Variants in CLASP2 observed in about 807,000 individuals in gnomAD.
The protein encoded by CLASP2 is CLIP-associating protein 2.
In CLASP2, 47 loss-of-function variants were observed where a neutral mutation model predicts 194.4. That is an observed-to-expected ratio of 0.24 (90% confidence interval 0.19 to 0.31). The LOEUF (loss-of-function observed/expected upper bound fraction) is 0.31, where lower values mean the gene tolerates loss of function less well. Among genes scored for constraint, CLASP2 ranks in the 10% least tolerant of loss-of-function variants. CLASP2 has a pLI of 1.00. For missense variants in CLASP2, 1,445 were observed against 1,823.6 expected (o/e 0.79, Z 3.78); for synonymous variants, 619 against 633.5 (o/e 0.98, Z 0.34).
At chr3:33,645,582 T>C (rs2082134471) in intron 7 of CLASP2, 2 of 416,600 alleles carry the variant, frequency 4.8e-6, no homozygotes, top group Non-Finnish European at 8.5e-6. Flanking sequence ...AAAAATTCTC[T>C]ATTAGCTATA....
chr3:33,658,984 A>G (rs1310972248), intron 7 of CLASP2: 2 of 1,535,436 alleles, frequency 1.3e-6, no homozygotes, highest in African/African-American at 2.7e-5. Context: ...CATCTCCCAT[A>G]GCCATTAGAT....
At chr3:33,615,886 C>T (rs1313416422) in intron 12 of CLASP2, among the ~76,000 whole-genome samples, 1 of 151,548 alleles carries the variant, frequency 6.6e-6, no homozygotes, top group African/African-American at 2.4e-5. Context: ...TGATTGAAAA[C>T]ATAAATAAAA....
intron 6 of CLASP2, among the ~76,000 whole-genome samples, chr3:33,676,475 G>A (rs550027420): frequency 2.7e-5 from 4 of 150,160 alleles, no homozygotes; most frequent in Non-Finnish European, 5.9e-5. Flanking sequence ...TTTAATAAAC[G>A]GTGCTGGGAA....
chr3:33,521,281 T>A (rs1404638432), intron 34 of CLASP2, among the ~76,000 whole-genome samples: 3 of 152,112 alleles, frequency 2.0e-5, no homozygotes, highest in Non-Finnish European at 2.9e-5. Context: ...ATGTAACCTG[T>A]TTAAAAATAT....
At chr3:33,533,430 T>C (rs988068259) in intron 34 of CLASP2, among the ~76,000 whole-genome samples, 3 of 152,212 alleles carry the variant, frequency 2.0e-5, no homozygotes, top group Non-Finnish European at 2.9e-5. Flanking sequence ...TCAACTTTGC[T>C]AGTAATCAAA....
intron 23 of CLASP2, among the ~76,000 whole-genome samples, chr3:33,580,489 G>C (rs970464069): frequency 2.0e-5 from 3 of 152,036 alleles, no homozygotes; most frequent in Non-Finnish European, 4.4e-5. Context: ...ATTGAACCTG[G>C]AAGGTGGAGG....
intron 24 of CLASP2, among the ~76,000 whole-genome samples, chr3:33,575,703 CTAACTA>C (rs2154198378): frequency 6.6e-6 from 1 of 152,100 alleles, no homozygotes; most frequent in South Asian, 2.1e-4. Context: ...AGAATTATAT[CTAACTA>C]TAAGATATAA....
At chr3:33,627,130 AT>A in intron 9 of CLASP2, 50 bp from the exon 10 acceptor site, 2 of 1,019,128 alleles carry the variant, frequency 2.0e-6, no homozygotes, top group Non-Finnish European at 3.0e-6. Flanking sequence ...CATGAACAAT[AT>A]CAAAATTATG....
At chr3:33,534,659 T>C (rs1163176825) in intron 34 of CLASP2, among the ~76,000 whole-genome samples, 1 of 152,166 alleles carries the variant, frequency 6.6e-6, no homozygotes, top group East Asian at 1.9e-4. Context: ...TGGGATTAGG[T>C]AGTATAATCA....
chr3:33,690,440 C>G (rs1427321407), intron 2 of CLASP2, among the ~76,000 whole-genome samples: 1 of 152,146 alleles, frequency 6.6e-6, no homozygotes, highest in Non-Finnish European at 1.5e-5. Context: ...AAATAATACA[C>G]ATAAACAACT....
Position 33,715,806 on chromosome 3 carries a change from C to T in CLASP2, c.195+2002G>A, listed in dbSNP as rs573150693. Among the ~76,000 whole-genome samples the T allele has an allele frequency of 2.5e-4, 30 of 121,518 alleles. No homozygotes were observed. In the South Asian group the frequency reaches 8.0e-3, roughly 32 times the overall value. 79.7% of individuals were successfully genotyped at this position (121,518 alleles called of 152,430 possible). On this transcript the variant is annotated intron_variant, in intron 1 of 38. Transcript: ENST00000682230. The stretch of plus-strand genomic sequence containing the variant: ...TGTATGTTCAAAAGCTCCTATGACA[C>T]ACTTTTTAAAACAGTTAAGTATGTT...
chr3:33,571,580 A>G (rs1046741587), intron 25 of CLASP2, among the ~76,000 whole-genome samples: 14 of 151,342 alleles, frequency 9.3e-5, no homozygotes, highest in Non-Finnish European at 1.9e-4. Context: ...GGTTGCACTG[A>G]GCTGAGATTG....
intron 14 of CLASP2, among the ~76,000 whole-genome samples, chr3:33,607,768 A>G (rs908669236): frequency 1.3e-5 from 2 of 152,136 alleles, no homozygotes; most frequent in Non-Finnish European, 1.5e-5. Flanking sequence ...TAAATTAGAG[A>G]AAAAAAGAAT....
At chr3:33,538,381 T>C (rs890704589) in intron 33 of CLASP2, among the ~76,000 whole-genome samples, 1 of 152,212 alleles carries the variant, frequency 6.6e-6, no homozygotes, top group Non-Finnish European at 1.5e-5. Flanking sequence ...CAATCTAAAA[T>C]AGACTCACTT....
At chr3:33,514,677 T>A (rs768691808) in intron 36 of CLASP2, 16 of 355,608 alleles carry the variant, frequency 4.5e-5, no homozygotes, top group Non-Finnish European at 8.2e-5. Flanking sequence ...ATTGGGTATC[T>A]ACCTAGAAAA....
chr3:33,535,868 A>T (rs1040697854), intron 33 of CLASP2, among the ~76,000 whole-genome samples: 1 of 152,048 alleles, frequency 6.6e-6, no homozygotes, highest in Non-Finnish European at 1.5e-5. Context: ...ATATCATACA[A>T]CAGTATGTCA....
At chr3:33,591,319 T>C (rs2068731030) in intron 21 of CLASP2, among the ~76,000 whole-genome samples, 1 of 152,226 alleles carries the variant, frequency 6.6e-6, no homozygotes, top group African/African-American at 2.4e-5. Flanking sequence ...AAATTAATAA[T>C]GCCATAAATG....
chr3:33,566,230 C>T (rs950267987), intron 27 of CLASP2, among the ~76,000 whole-genome samples: 4 of 152,080 alleles, frequency 2.6e-5, no homozygotes, highest in Non-Finnish European at 5.9e-5. Context: ...TTTCAGAAGA[C>T]AAAGATGAGA....
At chr3:33,683,613 C>T (rs903671023) in intron 6 of CLASP2, 1 of 152,014 alleles carries the variant, frequency 6.6e-6, no homozygotes, top group Non-Finnish European at 1.5e-5. Context: ...GTCTCAAAAA[C>T]AAACAAAACA....
Sources: allele counts gnomAD v4.1 joint callset (sites outside exome capture counted in the v4.1 genomes callset), GRCh38; gene constraint gnomAD v4.1.1; transcripts MANE v1.5; gene names NCBI Gene and HGNC (gene_info 2026-07-23, HGNC 2026-07-21).